The following MYCBPAP variants were observed in gnomAD, a reference collection of about 807,000 sequenced individuals.
The protein encoded by MYCBPAP is MYCBP associated protein.
A neutral mutation model predicts 106.1 loss-of-function variants in MYCBPAP; 60 were observed. The observed-to-expected ratio is 0.57, with a 90% CI of 0.46 to 0.70. MYCBPAP has a LOEUF of 0.70. Among genes scored for constraint, MYCBPAP ranks in the 30% least tolerant of loss-of-function variants. The pLI is 0.00. For synonymous variants in MYCBPAP, 407 were observed against 440.6 expected (o/e 0.92, Z 0.95); for missense variants, 1,064 against 1,169.3 (o/e 0.91, Z 1.31).
At chr17:50,521,499 CG>C (rs1342254168) in intron 9 of MYCBPAP, 68 bp downstream of exon 9, 48 of 1,225,432 alleles carry the variant, frequency 3.9e-5, no homozygotes, top group Non-Finnish European at 5.3e-5. Context: ...TATTAAAGAG[CG>C]GGCTTCCCTC....
chr17:50,512,268 A>G (rs2033882464), intron 1 of MYCBPAP, among the ~76,000 whole-genome samples: 2 of 151,902 alleles, frequency 1.3e-5, no homozygotes, highest in African/African-American at 4.8e-5. Flanking sequence ...GTTAGCCAGG[A>G]TGGTCTCGAT....
intron 13 of MYCBPAP, among the ~76,000 whole-genome samples, chr17:50,525,659 C>CTCTTTTTTTTTTTTTTTTTTTT (rs57947501): frequency 7.6e-6 from 1 of 131,364 alleles, no homozygotes; most frequent in African/African-American, 2.9e-5. Flanking sequence ...GCTAATTTCT[C>CTCTTTTTTTTTTTTTTTTTTTT]TTTTTTTTTT....
chr17:50,522,171 C>T (rs1371154340), intron 10 of MYCBPAP, 90 bp downstream of exon 10: 2 of 1,045,168 alleles, frequency 1.9e-6, no homozygotes, highest in African/African-American at 3.2e-5. Flanking sequence ...CCTGCACAGT[C>T]TCCTGTTTGG....
intron 12 of MYCBPAP, 99 bp from the exon 13 acceptor site, chr17:50,524,778 C>A (rs1245008417): frequency 6.7e-5 from 83 of 1,235,510 alleles, no homozygotes; most frequent in Non-Finnish European, 8.4e-5. Context: ...GGAACTCAGA[C>A]CCTAGGAAGG....
intron 13 of MYCBPAP, 80 bp downstream of exon 13, chr17:50,525,103 G>T (rs1597842969): frequency 2.6e-6 from 4 of 1,518,526 alleles, no homozygotes; most frequent in African/African-American, 2.8e-5. Flanking sequence ...CACAGCGGCA[G>T]GTGAGCAGTG....
rs375725460 is a variant in MYCBPAP, at chr17:50,524,991, G to C, written c.1750G>C (p.Glu584Gln). The C allele has an allele frequency of 2.5e-6, 4 of 1,613,726 alleles. No homozygotes were observed. The highest frequency in any genetic ancestry group is 3.4e-6 in the Non-Finnish European group (4 of 1,179,894). Residue 584 changes from glutamate to glutamine, a missense_variant, in exon 13 of 19, where the codon GAG (glutamate) becomes CAG (glutamine). Coordinates refer to ENST00000323776, the MANE Select transcript of MYCBPAP (RefSeq NM_032133.6). The part of the protein sequence containing the change: ...TPSPVDAYLT[E>Q]EDLFRHRNPP... ...ATCACCTGTGGATGCCTATCTCACC[G>C]AGGAAGACTTGTTCCGGCACAGAAA...
intron 1 of MYCBPAP, chr17:50,510,499 G>GTGTGTGTATATATATA (rs1418345705): frequency 1.2e-4 from 9 of 76,412 alleles, no homozygotes; most frequent in African/African-American, 4.1e-4. Flanking sequence ...GTGTGTGTGT[G>GTGTGTGTATATATATA]TATATATATA....
chr17:50,516,737 T>C lies in MYCBPAP; in HGVS notation c.204+40T>C, dbSNP rs370665071. On this transcript the variant is annotated intron_variant, in intron 2 of 18. Transcript: ENST00000323776. ...CAAGCTTCCCTTACCATAGAAACGT[T>C]TCCCTGCCGGCAGCCTGAGTGGTCT... 7 of 1,607,360 alleles carry C rather than the reference T, an allele frequency of 4.4e-6. No homozygotes were observed. The African/African-American group carries it at 9.8e-5, about 22-fold the overall frequency.
At chr17:50,513,947 G>A (rs1009965774) in intron 1 of MYCBPAP, among the ~76,000 whole-genome samples, 2 of 152,206 alleles carry the variant, frequency 1.3e-5, no homozygotes, top group Admixed American at 1.3e-4. Flanking sequence ...GTGTGTTTGT[G>A]TGCACAGAGC....
At position 50,521,347 on chromosome 17, in the gene MYCBPAP, G is replaced by T. The variant is rs2034253925; in HGVS notation, c.1064G>T (p.Gly355Val). Residue 355 changes from glycine to valine, a missense_variant, in exon 9 of 19, where the codon GGG (glycine) becomes GTG (valine). Gly to Val is a moderately radical substitution (Grantham distance 109, BLOSUM62 -3). Transcript: ENST00000323776. The stretch of plus-strand genomic sequence containing the variant: ...GATGGCCTGGAGGTGGTGGGCAAAG[G>T]GTGGCCCTTCTCGGCTGTTACTGTG... ...DIDGLEVVGK[G>V]WPFSAVTVED... 4 of 1,605,742 alleles carry T rather than the reference G, an allele frequency of 2.5e-6. No individual in the cohort carries two copies. The highest frequency in any genetic ancestry group is 3.4e-6 in the Non-Finnish European group (4 of 1,175,676).
chr17:50,517,479 A>G (rs754673853), intron 3 of MYCBPAP, 27 bp downstream of exon 3: 8 of 1,614,162 alleles, frequency 5.0e-6, no homozygotes, highest in Admixed American at 1.7e-5. Flanking sequence ...CCCTGGCTTC[A>G]CTGTCTTTCA....
At chr17:50,521,001 T>G in intron 7 of MYCBPAP, 109 bp from the exon 8 acceptor site, 2 of 812,076 alleles carry the variant, frequency 2.5e-6, no homozygotes, top group South Asian at 3.2e-5. Context: ...GTATTTTTAG[T>G]CCTTCCTAGA....
chr17:50,508,206 G>A, upstream of MYCBPAP: 1 of 263,360 alleles, frequency 3.8e-6, no homozygotes, highest in South Asian at 6.1e-5. Flanking sequence ...GGCCTTAGTC[G>A]AGGAAGGCGG....
At chr17:50,517,191 C>T (rs1326874807) in intron 2 of MYCBPAP, 102 bp from the exon 3 acceptor site, 3 of 1,065,140 alleles carry the variant, frequency 2.8e-6, no homozygotes, top group Non-Finnish European at 4.3e-6. Context: ...ACAGATCTGT[C>T]AGCCTTCAGG....
At chr17:50,523,925 C>A in intron 12 of MYCBPAP, 141 bp downstream of exon 12, 1 of 833,668 alleles carries the variant, frequency 1.2e-6, no homozygotes, top group Non-Finnish European at 1.8e-6. Flanking sequence ...TACTCTTGCT[C>A]CACAAACACT....
At chr17:50,527,211 CCCA>C in intron 14 of MYCBPAP, 73 bp from the exon 15 acceptor site, 1 of 1,583,234 alleles carries the variant, frequency 6.3e-7, no homozygotes, top group Non-Finnish European at 8.6e-7. Flanking sequence ...GCCACCCATC[CCCA>C]CATCACCATG....
At chr17:50,511,920 G>A (rs2033863780) in intron 1 of MYCBPAP, among the ~76,000 whole-genome samples, 2 of 152,000 alleles carry the variant, frequency 1.3e-5, no homozygotes, top group Admixed American at 6.6e-5. Context: ...GAATCATTCT[G>A]AAATGCACCT....
In MYCBPAP at chr17:50,518,533, C is replaced by T. The variant is rs750941423; in HGVS notation, c.469-8C>T. 5.8e-6 allele frequency: 9 copies of T among 1,559,896 alleles called. No homozygotes were observed. In the Admixed American group the frequency reaches 8.0e-5, roughly 14 times the overall value. Reference sequence around the variant, plus strand: ...CTGCCCTCCACATACCTATGTTGTACTTTTCAGCTGGCTGAGCGGATACCT... The same window carrying T: ...CTGCCCTCCACATACCTATGTTGTATTTTTCAGCTGGCTGAGCGGATACCT... On this transcript the variant is annotated splice_polypyrimidine_tract_variant and splice_region_variant and intron_variant, in intron 4 of 18. Coordinates refer to ENST00000323776, the MANE Select transcript of MYCBPAP (RefSeq NM_032133.6).
Position 50,522,048 on chromosome 17 carries a change from T to C in MYCBPAP, c.1224T>C (p.Ala408=). 1.9e-6 allele frequency: 3 copies of C among 1,614,018 alleles called. No homozygotes were observed. Among genetic ancestry groups the C allele is most frequent in the Non-Finnish European group, 2.5e-6 (3 of 1,179,908 alleles). Residue 408 remains alanine, a synonymous_variant, in exon 10 of 19, where the codon GCT becomes GCC. Transcript: ENST00000323776. ...GPSLLFCGKP[A]CWIRGSNPQD... Reference sequence around the variant, plus strand: ...CTCTGCTGTTCTGTGGGAAGCCAGCTTGCTGGATCAGAGGCAGTAATCCAC... The same window carrying C: ...CTCTGCTGTTCTGTGGGAAGCCAGCCTGCTGGATCAGAGGCAGTAATCCAC...
Sources: allele counts gnomAD v4.1 joint callset (sites outside exome capture counted in the v4.1 genomes callset), GRCh38; gene constraint gnomAD v4.1.1; transcripts MANE v1.5; gene names NCBI Gene and HGNC (gene_info 2026-07-23, HGNC 2026-07-21).